Variants in ACSBG2 observed in about 807,000 individuals in gnomAD.
ACSBG2 encodes long-chain-fatty-acid--CoA ligase ACSBG2.
ACSBG2 carries 62 observed loss-of-function variants against 74.7 expected under a neutral mutation model. The observed-to-expected ratio is 0.83, with a 90% CI of 0.68 to 1.03. The LOEUF is 1.03. Ranked by LOEUF, ACSBG2 falls within the 50% of genes least tolerant of loss-of-function variation. The pLI, the probability that ACSBG2 is intolerant of heterozygous loss-of-function variation, is 0.00. For missense variants in ACSBG2, 730 were observed against 817.6 expected (o/e 0.89, Z 1.31); for synonymous variants, 309 against 294.1 (o/e 1.05, Z -0.52).
chr19:6,177,885 T>A (rs1055561925), intron 8 of ACSBG2, among the ~76,000 whole-genome samples: 26 of 149,614 alleles, frequency 1.7e-4, no homozygotes, highest in African/African-American at 6.2e-4. Context: ...AGTGTGTGTG[T>A]GTGTGTGTGT....
chr19:6,177,100 G>T, intron 7 of ACSBG2, 129 bp from the exon 8 acceptor site: 1 of 956,300 alleles, frequency 1.0e-6, no homozygotes, highest in Non-Finnish European at 1.5e-6. Context: ...GTTTGAGGCT[G>T]CAGTGAGCTG....
rs1209191399 is a variant in ACSBG2 at position 6,192,827 on chromosome 19, A to C, written c.*195A>C. 6.6e-6 allele frequency: 1 copy of C among 152,230 alleles called. No individual in the cohort carries two copies. Among genetic ancestry groups the C allele is most frequent in the African/African-American group, 2.4e-5 (1 of 41,452 alleles). 9.4% of individuals were successfully genotyped at this position (152,230 alleles called of 1,614,324 possible). A position where few individuals can be genotyped will look rare whatever the true frequency, so the allele number is the denominator to read the frequency against. On this transcript the variant is annotated 3_prime_UTR_variant, in exon 15 of 15. Coordinates refer to ENST00000588485, the MANE Select transcript of ACSBG2 (RefSeq NM_030924.5). Reference sequence around the variant, plus strand: ...AAGAACCTGCCATACGTTTCAAAGCAATAAAATCACTGTATATCTTTCTAA... The same window carrying C: ...AAGAACCTGCCATACGTTTCAAAGCCATAAAATCACTGTATATCTTTCTAA...
In ACSBG2 at chr19:6,165,908, C is replaced by G; in HGVS notation, c.631C>G (p.Gln211Glu). ...MELGRSIPDT[Q>E]LEQVIESQKA... Reference sequence around the variant, plus strand: ...ACTTGGCAGAAGTATCCCTGACACCCAACTGGAGCAGGTCATCGAGAGCCA... The same window carrying G: ...ACTTGGCAGAAGTATCCCTGACACCGAACTGGAGCAGGTCATCGAGAGCCA... Residue 211 changes from glutamine to glutamate, a missense_variant, in exon 7 of 15, where the codon CAA becomes GAA. Coordinates refer to ENST00000588485, the MANE Select transcript of ACSBG2 (RefSeq NM_030924.5). The G allele has an allele frequency of 6.2e-7, 1 of 1,614,150 alleles. No individual in the cohort carries two copies. The highest frequency in any genetic ancestry group is 8.5e-7 in the Non-Finnish European group (1 of 1,180,010).
chr19:6,161,452 A>C (rs2089613312), intron 6 of ACSBG2, 157 bp downstream of exon 6: 1 of 606,830 alleles, frequency 1.6e-6, no homozygotes, highest in Non-Finnish European at 2.8e-6. Context: ...AAGGAAGTGA[A>C]AGGTGAGGAA....
At chr19:6,148,796 C>T (rs915592212) in intron 3 of ACSBG2, among the ~76,000 whole-genome samples, 1 of 152,064 alleles carries the variant, frequency 6.6e-6, no homozygotes, top group East Asian at 1.9e-4. Context: ...AAAGGTCCCC[C>T]TCCTCCCGTA....
chr19:6,152,667 C>G (rs1194834692), intron 4 of ACSBG2, among the ~76,000 whole-genome samples: 1 of 151,586 alleles, frequency 6.6e-6, no homozygotes, highest in Non-Finnish European at 1.5e-5. Flanking sequence ...TGTAATTCTA[C>G]CTTTGGGAGT....
rs1437139342 is a variant in ACSBG2, at chr19:6,188,135, A to C, written c.1927+290A>C. Among the ~76,000 whole-genome samples, 3 of 152,146 alleles carry C rather than the reference A, an allele frequency of 2.0e-5. No homozygotes were observed. In the East Asian group the frequency reaches 5.8e-4, roughly 29 times the overall value. Reference sequence around the variant, plus strand: ...TCCTGCAGCTCTCTGGGCTTTGTCCAACTATAGGGCCTTTGCACCTGCCAG... The same window carrying C: ...TCCTGCAGCTCTCTGGGCTTTGTCCCACTATAGGGCCTTTGCACCTGCCAG... On this transcript the variant is annotated intron_variant, in intron 13 of 14. Coordinates refer to ENST00000588485, the MANE Select transcript of ACSBG2 (RefSeq NM_030924.5).
intron 3 of ACSBG2, 23 bp downstream of exon 3, chr19:6,147,698 C>G (rs1447491575): frequency 1.3e-6 from 2 of 1,597,030 alleles, no homozygotes; most frequent in Admixed American, 1.7e-5. Flanking sequence ...CATTCATTCT[C>G]CTTTGTTCAA....
At chr19:6,181,358 AAAAG>A (rs146342042) in intron 8 of ACSBG2, among the ~76,000 whole-genome samples, 26 of 151,510 alleles carry the variant, frequency 1.7e-4, no homozygotes, top group East Asian at 5.8e-4. Context: ...GGAAGAAAGA[AAAAG>A]AAAGAAAGGA....
chr19:6,150,396 G>C (rs567352476), intron 3 of ACSBG2, among the ~76,000 whole-genome samples: 3 of 151,082 alleles, frequency 2.0e-5, no homozygotes, highest in African/African-American at 7.3e-5. Flanking sequence ...TGTAGACTCA[G>C]GGTCATAGCG....
intron 1 of ACSBG2, among the ~76,000 whole-genome samples, chr19:6,140,906 A>T (rs1008294117): frequency 2.6e-5 from 4 of 152,224 alleles, no homozygotes; most frequent in African/African-American, 9.6e-5. Context: ...GTCATTTTTC[A>T]GTTTCAGATA....
chr19:6,161,155 C>A, intron 5 of ACSBG2, 60 bp from the exon 6 acceptor site: 1 of 1,442,646 alleles, frequency 6.9e-7, no homozygotes, highest in Non-Finnish European at 9.7e-7. Context: ...GACATCTAAC[C>A]CAGCTTTAGT....
At chr19:6,159,759 C>T (rs576795379) in intron 5 of ACSBG2, among the ~76,000 whole-genome samples, 1 of 152,248 alleles carries the variant, frequency 6.6e-6, no homozygotes, top group East Asian at 1.9e-4. Flanking sequence ...TCATCTTTGC[C>T]TCCAAGGCTC....
At chr19:6,176,245 G>C in intron 7 of ACSBG2, 1 of 1,318,270 alleles carries the variant, frequency 7.6e-7, no homozygotes, top group Non-Finnish European at 9.8e-7. Context: ...AGAGGCTGAA[G>C]TGGGGGCCCC....
intron 13 of ACSBG2, among the ~76,000 whole-genome samples, chr19:6,188,532 T>G (rs2090468251): frequency 6.6e-6 from 1 of 152,028 alleles, no homozygotes. Context: ...CTCAGGAGAC[T>G]GAGAGGATCG....
intron 4 of ACSBG2, 87 bp from the exon 5 acceptor site, chr19:6,156,344 C>T: frequency 2.1e-6 from 3 of 1,440,566 alleles, no homozygotes; most frequent in Non-Finnish European, 2.8e-6. Context: ...AACTTGCCTG[C>T]AAACCTTTCC....
In ACSBG2 at chr19:6,187,620, G is replaced by A. The variant is rs149314396; in HGVS notation, c.1702G>A (p.Gly568Arg). The change falls in exon 13 of 15, where the codon GGA (glycine) becomes AGA (arginine). Residue 568 changes from glycine (G) to arginine (R), a missense_variant. By Grantham distance (125) the Gly-to-Arg change is moderately radical (BLOSUM62 -2). Coordinates refer to ENST00000588485, the MANE Select transcript of ACSBG2 (RefSeq NM_030924.5). The stretch of plus-strand genomic sequence containing the variant: ...GCAGTGTGAGATGAATCAGATGAGC[G>A]GAGAACCTCTGGACAAGCTGAACTT... ...TLKCEMNQMS[G>R]EPLDKLNFEA... is the part of the protein sequence containing the mutation. 6.4e-5 allele frequency: 104 copies of A among 1,614,058 alleles called. No individual in the cohort carries two copies. The highest frequency in any genetic ancestry group is 6.1e-4 in the African/African-American group (46 of 74,976).
chr19:6,139,471 A>G (rs73552704), intron 1 of ACSBG2, among the ~76,000 whole-genome samples: 4,605 of 152,272 alleles, frequency 0.03, 209 homozygotes, highest in African/African-American at 0.1. Context: ...TGTAAGAATC[A>G]CGTGCATGTT....
intron 3 of ACSBG2, among the ~76,000 whole-genome samples, chr19:6,150,196 G>C (rs549548417): frequency 4.8e-4 from 73 of 152,042 alleles, no homozygotes; most frequent in African/African-American, 1.7e-3. Context: ...GGGAGGATAT[G>C]GAGAAGCTGG....
Sources: allele counts gnomAD v4.1 joint callset (sites outside exome capture counted in the v4.1 genomes callset), GRCh38; gene constraint gnomAD v4.1.1; transcripts MANE v1.5; gene names NCBI Gene and HGNC (gene_info 2026-07-23, HGNC 2026-07-21).